UBASH3A: variants seen among roughly 807,000 people sequenced by gnomAD.
UBASH3A encodes ubiquitin-associated and SH3 domain-containing protein A.
In UBASH3A, 63 loss-of-function variants were observed where a neutral mutation model predicts 73.5. The observed-to-expected ratio is 0.86, with a 90% CI of 0.70 to 1.06. The LOEUF (loss-of-function observed/expected upper bound fraction) is 1.06, where lower values mean the gene tolerates loss of function less well. Ranked by LOEUF, UBASH3A falls within the 50% of genes least tolerant of loss-of-function variation. The probability of loss-of-function intolerance (pLI) is 0.00; values close to 1 mark genes in which losing one functional copy is unlikely to be tolerated. For missense variants in UBASH3A, 860 were observed against 859.0 expected, an observed-to-expected ratio of 1.00 and a Z score of -0.02; for synonymous variants, 363 against 351.1, an observed-to-expected ratio of 1.03 and a Z score of -0.38.
chr21:42,408,053 A>G (rs914046511), intron 2 of UBASH3A, among the ~76,000 whole-genome samples: 1 of 152,242 alleles, frequency 6.6e-6, no homozygotes. Flanking sequence ...AACAAGTGCT[A>G]TCTATAAGTC....
At chr21:42,439,182 T>G (rs1415448613) in intron 11 of UBASH3A, among the ~76,000 whole-genome samples, 1 of 152,186 alleles carries the variant, frequency 6.6e-6, no homozygotes, top group Non-Finnish European at 1.5e-5. Flanking sequence ...TGTGCTCTCA[T>G]GAACTTTCCA....
At chr21:42,434,364 T>G (rs1418563502) in intron 9 of UBASH3A, among the ~76,000 whole-genome samples, 1 of 151,832 alleles carries the variant, frequency 6.6e-6, no homozygotes, top group African/African-American at 2.4e-5. Context: ...CCAGCCTGGC[T>G]TCAAGCAATT....
At chr21:42,438,608 G>A (rs545075966) in intron 11 of UBASH3A, among the ~76,000 whole-genome samples, 1 of 152,246 alleles carries the variant, frequency 6.6e-6, no homozygotes, top group East Asian at 1.9e-4. Context: ...GGAGCCAGAG[G>A]GGACAGGAAG....
At chr21:42,445,317 C>A (rs1013726749) in intron 14 of UBASH3A, among the ~76,000 whole-genome samples, 1 of 152,222 alleles carries the variant, frequency 6.6e-6, no homozygotes, top group African/African-American at 2.4e-5. Flanking sequence ...CAGTCCTGAC[C>A]TTTTTATGAA....
chr21:42,440,782 C>T (rs866557249), intron 11 of UBASH3A, among the ~76,000 whole-genome samples: 1 of 152,200 alleles, frequency 6.6e-6, no homozygotes. Flanking sequence ...CCCTACCCAA[C>T]CTCTCTCACC....
intron 7 of UBASH3A, among the ~76,000 whole-genome samples, chr21:42,421,099 C>T (rs1319230122): frequency 6.6e-6 from 1 of 152,210 alleles, no homozygotes; most frequent in Non-Finnish European, 1.5e-5. Context: ...GTTAAGGTGG[C>T]TCTTGTGAGC....
rs2052976397 is a variant in UBASH3A, at chr21:42,406,360, T to C, written c.166T>C (p.Trp56Arg). 6.2e-7 allele frequency: 1 copy of C among 1,613,548 alleles called. No individual in the cohort carries two copies. The highest frequency in any genetic ancestry group is 2.2e-5 in the East Asian group (1 of 44,880). Residue 56 changes from tryptophan to arginine, a missense_variant and splice_region_variant, in exon 2 of 15, where the codon TGG becomes CGG. Coordinates refer to ENST00000319294, the MANE Select transcript of UBASH3A (RefSeq NM_018961.4). The stretch of plus-strand genomic sequence containing the variant: ...GAAGACGGCGGAGGAGGCCTTGGCC[T>C]GGTGAGTGCAGCTGCTTCTGTAGAC... ...GRKTAEEALA[W>R]LHDHCNDPSL...
intron 1 of UBASH3A, among the ~76,000 whole-genome samples, 159 bp from the exon 2 acceptor site, chr21:42,406,149 A>AG (rs2052970384): frequency 6.6e-6 from 1 of 152,148 alleles, no homozygotes; most frequent in African/African-American, 2.4e-5. Flanking sequence ...GGCAGCACTC[A>AG]GGGGACAGGC....
At chr21:42,431,659 A>G (rs1205272424) in intron 8 of UBASH3A, among the ~76,000 whole-genome samples, 1 of 152,236 alleles carries the variant, frequency 6.6e-6, no homozygotes, top group Non-Finnish European at 1.5e-5. Context: ...GGTCAACACC[A>G]GGGCAGTCCT....
rs201756769 is a variant in UBASH3A at position 42,437,560 on chromosome 21, C to T, written c.1466C>T (p.Thr489Met). Reference protein sequence around the residue: ...FASPALRCVQTAKLILEELKL... With the variant: ...FASPALRCVQMAKLILEELKL... ...TCCCCAGCCCTCCGCTGTGTGCAGA[C>T]GGCCAAACTCATCCTGGAAGGTCAG... The change falls in exon 11 of 15, where the codon ACG becomes ATG. Residue 489 changes from threonine (T) to methionine (M), a missense_variant. Transcript: ENST00000319294. The T allele has an allele frequency of 2.2e-4, 351 of 1,614,078 alleles. No individual in the cohort carries two copies. Among genetic ancestry groups the T allele is most frequent in the Non-Finnish European group, 2.7e-4 (321 of 1,180,024 alleles).
Position 42,432,123 on chromosome 21 carries a change from C to A in UBASH3A, c.1191C>A (p.Ser397Arg), listed in dbSNP as rs13052676. Residue 397 changes from serine (S) to arginine (R), a missense_variant, in exon 9 of 15, where the codon AGC becomes AGA. By Grantham distance (110) the Ser-to-Arg change is moderately radical. Transcript: ENST00000319294. ...QALQATVARK[S>R]VLVVRHGERV... ...CCCAGGCTACCGTTGCAAGGAAGAG[C>A]GTGCTGGTGGTTCGCCACGGGGAGA... 1.2e-6 allele frequency: 2 copies of A among 1,611,920 alleles called. No individual in the cohort carries two copies. Among genetic ancestry groups the A allele is most frequent in the South Asian group, 1.1e-5 (1 of 90,862 alleles).
chr21:42,447,374 C>A lies in UBASH3A; in HGVS notation c.*180C>A. On this transcript the variant is annotated 3_prime_UTR_variant, in exon 15 of 15. Coordinates refer to ENST00000319294, the MANE Select transcript of UBASH3A (RefSeq NM_018961.4). ...CGGCTTTCGCCTTTGTAACTCCCATCTGTGGACCCATCGTCCACCAGCCCA... is the reference window on the plus strand; with the variant it reads ...CGGCTTTCGCCTTTGTAACTCCCATATGTGGACCCATCGTCCACCAGCCCA... 1 of 654,384 alleles carries A rather than the reference C, an allele frequency of 1.5e-6. No homozygotes were observed. The highest frequency in any genetic ancestry group is 2.5e-6 in the Non-Finnish European group (1 of 406,540). The allele number at this position is 654,384 out of a possible 1,614,324, so 40.5% of individuals were successfully genotyped here.
In UBASH3A at chr21:42,411,068, T is replaced by A. The variant is rs555391461; in HGVS notation, c.354+1460T>A. Among the ~76,000 whole-genome samples, 183 of 132,640 alleles carry A rather than the reference T, an allele frequency of 1.4e-3. 1 individual carries two copies. The highest frequency in any genetic ancestry group is 5.3e-3 in the African/African-American group (178 of 33,724). The allele number at this position is 132,640 out of a possible 152,430, so 87.0% of individuals were successfully genotyped here. On this transcript the variant is annotated intron_variant, in intron 3 of 14. Transcript: ENST00000319294. The stretch of plus-strand genomic sequence containing the variant: ...GCACACACAGATACACACACATACA[T>A]GCATACAGACACACACAGAGACACA...
chr21:42,418,575 C>G lies in UBASH3A; in HGVS notation c.1012C>G (p.Arg338Gly). ...RGFLPENYTD[R>G]ASESDTWVKH... The stretch of plus-strand genomic sequence containing the variant: ...CTTCCTGCCGGAAAACTACACGGAT[C>G]GAGCCAGTGAGTCTGACACGTGGGT... The change falls in exon 7 of 15, where the codon CGA becomes GGA. Residue 338 changes from arginine to glycine, a missense_variant. Physicochemically the swap from Arg to Gly is moderately radical, Grantham distance 125. Transcript: ENST00000319294. 1 of 1,614,082 alleles carries G rather than the reference C, an allele frequency of 6.2e-7. No homozygotes were observed. Among genetic ancestry groups the G allele is most frequent in the Non-Finnish European group, 8.5e-7 (1 of 1,180,018 alleles).
chr21:42,420,718 G>C (rs917824439), intron 7 of UBASH3A, among the ~76,000 whole-genome samples: 2 of 152,198 alleles, frequency 1.3e-5, no homozygotes, highest in Non-Finnish European at 2.9e-5. Context: ...TGGGAGAGCA[G>C]TCACAGACAC....
At chr21:42,412,071 G>A (rs1238033747) in intron 3 of UBASH3A, among the ~76,000 whole-genome samples, 3 of 152,210 alleles carry the variant, frequency 2.0e-5, no homozygotes, top group Admixed American at 6.5e-5. Context: ...GCCAACTCCC[G>A]CCAGGAGGGT....
At chr21:42,436,656 G>A (rs773905062) in intron 10 of UBASH3A, among the ~76,000 whole-genome samples, 3 of 152,186 alleles carry the variant, frequency 2.0e-5, no homozygotes, top group Non-Finnish European at 4.4e-5. Context: ...TTTCAAGGGA[G>A]GGGATACAGT....
chr21:42,412,330 A>C (rs930712179), intron 3 of UBASH3A, among the ~76,000 whole-genome samples: 1 of 152,152 alleles, frequency 6.6e-6, no homozygotes, highest in Non-Finnish European at 1.5e-5. Flanking sequence ...TGGGAGCTGC[A>C]TCAGAAAGAG....
At chr21:42,435,936 G>GTTATAGAGTCATAGAA (rs2146586170) in intron 10 of UBASH3A, among the ~76,000 whole-genome samples, 1 of 113,480 alleles carries the variant, frequency 8.8e-6, no homozygotes, top group Admixed American at 8.6e-5. Flanking sequence ...GAGTCATAGA[G>GTTATAGAGTCATAGAA]TTATAGAGTT....
Sources: allele counts gnomAD v4.1 joint callset (sites outside exome capture counted in the v4.1 genomes callset), GRCh38; gene constraint gnomAD v4.1.1; transcripts MANE v1.5; gene names NCBI Gene and HGNC (gene_info 2026-07-23, HGNC 2026-07-21).